ZCCHC7: variants seen among roughly 807,000 people sequenced by gnomAD.
The protein encoded by ZCCHC7 is zinc finger CCHC domain-containing protein 7.
A neutral mutation model predicts 52.0 loss-of-function variants in ZCCHC7; 35 were observed. The observed-to-expected ratio is 0.67, with a 90% CI of 0.51 to 0.89. ZCCHC7 has a LOEUF of 0.89. ZCCHC7 is among the 40% of genes least tolerant of loss of function. The probability of loss-of-function intolerance (pLI) is 0.00; values close to 1 mark genes in which losing one functional copy is unlikely to be tolerated. For synonymous variants in ZCCHC7, 217 were observed against 221.5 expected (o/e 0.98, Z 0.18); for missense variants, 574 against 649.1 (o/e 0.88, Z 1.26).
At chr9:37,343,748 A>G (rs948765949) in intron 6 of ZCCHC7, among the ~76,000 whole-genome samples, 2 of 152,100 alleles carry the variant, frequency 1.3e-5, no homozygotes, top group East Asian at 1.9e-4. Context: ...TTCACCACCT[A>G]TTTGTTTGTT....
At chr9:37,245,169 A>C (rs1826031863) in intron 2 of ZCCHC7, among the ~76,000 whole-genome samples, 1 of 151,846 alleles carries the variant, frequency 6.6e-6, no homozygotes, top group Non-Finnish European at 1.5e-5. Flanking sequence ...ATTTGGCATA[A>C]ATTGAGTAAC....
intron 2 of ZCCHC7, among the ~76,000 whole-genome samples, chr9:37,246,093 G>C (rs1316456906): frequency 6.6e-6 from 1 of 152,144 alleles, no homozygotes; most frequent in African/African-American, 2.4e-5. Flanking sequence ...GGGTTGGGCA[G>C]ATGATGGCAA....
intron 2 of ZCCHC7, among the ~76,000 whole-genome samples, chr9:37,236,788 G>T (rs1451729270): frequency 6.6e-6 from 1 of 152,128 alleles, no homozygotes; most frequent in South Asian, 2.1e-4. Flanking sequence ...CAATTTTTCT[G>T]CCTTGGAAGG....
chr9:37,128,808 C>G (rs1163638079), intron 2 of ZCCHC7, among the ~76,000 whole-genome samples: 1 of 152,120 alleles, frequency 6.6e-6, no homozygotes, highest in Admixed American at 6.5e-5. Flanking sequence ...TTGAAGGATT[C>G]CATAACTTTA....
At chr9:37,301,397 G>A (rs1488556566) in intron 2 of ZCCHC7, among the ~76,000 whole-genome samples, 1 of 152,218 alleles carries the variant, frequency 6.6e-6, no homozygotes, top group East Asian at 1.9e-4. Flanking sequence ...AGGAGTTTGA[G>A]ACCAGCCTGG....
intron 6 of ZCCHC7, among the ~76,000 whole-genome samples, chr9:37,339,148 G>A (rs1830815203): frequency 6.6e-6 from 1 of 152,144 alleles, no homozygotes; most frequent in African/African-American, 2.4e-5. Context: ...GAATACAGGG[G>A]AATTCTGTTT....
intron 2 of ZCCHC7, among the ~76,000 whole-genome samples, chr9:37,273,099 G>A (rs1189392813): frequency 2.0e-5 from 3 of 152,162 alleles, no homozygotes; most frequent in Non-Finnish European, 4.4e-5. Context: ...ATTCTCATTT[G>A]TGTATATATT....
chr9:37,186,860 G>A (rs1157426914), intron 2 of ZCCHC7: 2 of 354,418 alleles, frequency 5.6e-6, no homozygotes, highest in Non-Finnish European at 1.1e-5. Flanking sequence ...CACCTACTCT[G>A]TAACCTAACT....
At chr9:37,152,987 ATATTTACT>A (rs1282861975) in intron 2 of ZCCHC7, among the ~76,000 whole-genome samples, 1 of 151,940 alleles carries the variant, frequency 6.6e-6, no homozygotes, top group Non-Finnish European at 1.5e-5. Context: ...CAACTTGTGG[ATATTTACT>A]TTACATTTTG....
intron 2 of ZCCHC7, chr9:37,186,688 T>G (rs774022902): frequency 7.6e-5 from 45 of 592,638 alleles, no homozygotes; most frequent in Non-Finnish European, 1.3e-4. Flanking sequence ...ATTTACAGAT[T>G]CAAATATTTT....
At chr9:37,151,683 T>TA (rs1276949515) in intron 2 of ZCCHC7, among the ~76,000 whole-genome samples, 1 of 152,072 alleles carries the variant, frequency 6.6e-6, no homozygotes, top group Non-Finnish European at 1.5e-5. Flanking sequence ...TGCACACCTG[T>TA]AATCTCAGCT....
intron 2 of ZCCHC7, among the ~76,000 whole-genome samples, chr9:37,188,489 TA>T (rs1822788561): frequency 9.2e-5 from 5 of 54,372 alleles, no homozygotes; most frequent in African/African-American, 1.5e-4. Context: ...TCTCTCCCCC[TA>T]CCCCTCCCCC....
At chr9:37,336,313 A>G (rs2118364375) in intron 6 of ZCCHC7, among the ~76,000 whole-genome samples, 1 of 152,318 alleles carries the variant, frequency 6.6e-6, no homozygotes, top group African/African-American at 2.4e-5. Flanking sequence ...TATTCTTTCA[A>G]AGAGCATTCC....
chr9:37,225,969 A>G (rs1825078210), intron 2 of ZCCHC7, among the ~76,000 whole-genome samples: 1 of 152,264 alleles, frequency 6.6e-6, no homozygotes, highest in Admixed American at 6.5e-5. Flanking sequence ...AATAAAAAGA[A>G]GCTGAAGGCA....
chr9:37,340,623 C>T (rs1392769356), intron 6 of ZCCHC7, among the ~76,000 whole-genome samples: 1 of 152,066 alleles, frequency 6.6e-6, no homozygotes, highest in African/African-American at 2.4e-5. Context: ...TAAATTGGAC[C>T]TTTACTGTTA....
In ZCCHC7 at chr9:37,340,815, T is replaced by C. The variant is rs952948945; in HGVS notation, c.988-8542T>C. On this transcript the variant is annotated intron_variant, in intron 6 of 8. Transcript: ENST00000336755. ...TTCTCTAATTAGGTAAGATCTAGGC[T>C]GATTTCATTCCTATTAAGCCCTAGT... Among the ~76,000 whole-genome samples, 69 of 152,326 alleles carry C rather than the reference T, an allele frequency of 4.5e-4. 1 individual carries two copies. The highest frequency in any genetic ancestry group is 1.5e-3 in the African/African-American group (61 of 41,584).
chr9:37,192,923 G>A (rs769468160), intron 2 of ZCCHC7, among the ~76,000 whole-genome samples: 4 of 152,108 alleles, frequency 2.6e-5, no homozygotes, highest in Admixed American at 2.6e-4. Flanking sequence ...TTATTTAGAT[G>A]TTCAATGGAA....
chr9:37,346,701 C>T (rs1406500940), intron 6 of ZCCHC7, among the ~76,000 whole-genome samples: 1 of 152,062 alleles, frequency 6.6e-6, no homozygotes, highest in Non-Finnish European at 1.5e-5. Context: ...TAGGGCTGGC[C>T]ATGGTGGCTC....
chr9:37,135,273 G>C (rs1243862814), intron 2 of ZCCHC7, among the ~76,000 whole-genome samples: 1 of 152,144 alleles, frequency 6.6e-6, no homozygotes, highest in Non-Finnish European at 1.5e-5. Flanking sequence ...TAATGCACTT[G>C]TTACAGTCTT....
Sources: allele counts gnomAD v4.1 joint callset (sites outside exome capture counted in the v4.1 genomes callset), GRCh38; gene constraint gnomAD v4.1.1; transcripts MANE v1.5; gene names NCBI Gene and HGNC (gene_info 2026-07-23, HGNC 2026-07-21).